CPED1: variants seen among roughly 807,000 people sequenced by gnomAD.
CPED1 encodes cadherin-like and PC-esterase domain-containing protein 1.
Under a neutral mutation model 128.2 loss-of-function variants are expected in CPED1, and 114 were observed. The observed-to-expected ratio is 0.89, with a 90% CI of 0.76 to 1.04. The LOEUF (loss-of-function observed/expected upper bound fraction) is 1.04, where lower values mean the gene tolerates loss of function less well. Ranked by LOEUF, CPED1 falls within the 50% of genes least tolerant of loss-of-function variation. CPED1 has a pLI of 0.00. For missense variants in CPED1, 1,211 were observed against 1,207.1 expected (o/e 1.00, Z -0.05); for synonymous variants, 462 against 426.7 (o/e 1.08, Z -1.02).
At chr7:121,107,603 T>C (rs1382446094) in intron 7 of CPED1, among the ~76,000 whole-genome samples, 5 of 152,088 alleles carry the variant, frequency 3.3e-5, no homozygotes, top group African/African-American at 1.2e-4. Context: ...GGGTGCAAAG[T>C]AATAACAGTG....
At chr7:121,136,581 A>G (rs1048465611) in intron 14 of CPED1, among the ~76,000 whole-genome samples, 6 of 152,170 alleles carry the variant, frequency 3.9e-5, no homozygotes, top group Non-Finnish European at 5.9e-5. Flanking sequence ...TTAAGTTTGT[A>G]TTAACTTTAA....
rs140872715 is a variant in CPED1, at chr7:121,216,362, G to A, written c.2056-20352G>A. ...CAAGCACCCTCATTTTGAAGGATGT[G>A]ACCAGAAGTTCACTTCTACTCACAT... is the stretch of plus-strand genomic sequence containing the variant. On this transcript the variant is annotated intron_variant, in intron 16 of 22. Coordinates refer to ENST00000310396, the MANE Select transcript of CPED1 (RefSeq NM_024913.5). 5.3e-3 allele frequency among the ~76,000 whole-genome samples: 804 copies of A among 152,078 alleles called. 6 individuals carry two copies. The highest frequency in any genetic ancestry group is 0.018 in the African/African-American group (740 of 41,508).
At chr7:120,995,704 T>A (rs528437191) in intron 2 of CPED1, among the ~76,000 whole-genome samples, 3 of 152,170 alleles carry the variant, frequency 2.0e-5, no homozygotes, top group Non-Finnish European at 4.4e-5. Context: ...TTTTCCTAGA[T>A]GCATAGTTTT....
chr7:120,989,851 A>G lies in CPED1; in HGVS notation c.230A>G (p.Asn77Ser). Residue 77 changes from asparagine (N) to serine (S), a missense_variant, in exon 2 of 23, where the codon AAT becomes AGT. By Grantham distance (46) the Asn-to-Ser change is conservative. Coordinates refer to ENST00000310396, the MANE Select transcript of CPED1 (RefSeq NM_024913.5). ...AAACAGTGCTTCCTTCTCTCTGGTA[A>G]TGCCCAGGAAACCAGAAAGGTAAGA... ...QDKQCFLLSG[N>S]AQETRKVKES... 1 of 1,614,158 alleles carries G rather than the reference A, an allele frequency of 6.2e-7. No homozygotes were observed.
chr7:121,230,469 C>A (rs1227877934), intron 16 of CPED1, among the ~76,000 whole-genome samples: 1 of 151,902 alleles, frequency 6.6e-6, no homozygotes, highest in African/African-American at 2.4e-5. Context: ...TTCTTCTTAT[C>A]CAATAAAAAG....
intron 22 of CPED1, among the ~76,000 whole-genome samples, chr7:121,282,320 C>T (rs1045626516): frequency 3.9e-5 from 6 of 152,138 alleles, no homozygotes; most frequent in East Asian, 3.8e-4. Context: ...GGTAACCTAA[C>T]GTGTATTGCA....
intron 16 of CPED1, among the ~76,000 whole-genome samples, chr7:121,178,737 A>G (rs1447012153): frequency 2.0e-5 from 3 of 152,120 alleles, no homozygotes; most frequent in Admixed American, 2.0e-4. Flanking sequence ...ACACAGGGAA[A>G]GCAAGAAGAG....
chr7:121,018,809 A>G (rs1177478764), intron 3 of CPED1, among the ~76,000 whole-genome samples: 1 of 152,068 alleles, frequency 6.6e-6, no homozygotes, highest in Non-Finnish European at 1.5e-5. Flanking sequence ...TTCTGAATAC[A>G]TATTGCACTT....
At chr7:121,160,284 A>G (rs926435787) in intron 16 of CPED1, among the ~76,000 whole-genome samples, 1 of 152,254 alleles carries the variant, frequency 6.6e-6, no homozygotes, top group Non-Finnish European at 1.5e-5. Flanking sequence ...ATCCCTGTGC[A>G]TGAAGGTTGT....
At chr7:121,263,679 T>C (rs1214210044) in intron 18 of CPED1, among the ~76,000 whole-genome samples, 3 of 151,994 alleles carry the variant, frequency 2.0e-5, no homozygotes, top group African/African-American at 7.2e-5. Flanking sequence ...ATCTAGGAAT[T>C]TTGTTGTTGT....
chr7:121,135,087 T>C (rs1243425904), intron 13 of CPED1, among the ~76,000 whole-genome samples: 3 of 152,018 alleles, frequency 2.0e-5, no homozygotes. Context: ...TGATCTATTG[T>C]TAAACCTAAC....
At chr7:121,036,507 A>ATTTTTTTTTTTTTT (rs1302763163) in intron 3 of CPED1, among the ~76,000 whole-genome samples, 1 of 133,922 alleles carries the variant, frequency 7.5e-6, no homozygotes. Flanking sequence ...ATATATATAT[A>ATTTTTTTTTTTTTT]TTTTTTTTTT....
chr7:121,166,126 C>G (rs1359474677), intron 16 of CPED1, among the ~76,000 whole-genome samples: 1 of 116,162 alleles, frequency 8.6e-6, no homozygotes, highest in Non-Finnish European at 1.9e-5. Context: ...ATGGCAAAAA[C>G]AAAAAAAAAC....
chr7:121,269,918 G>A (rs1420421061), intron 21 of CPED1, among the ~76,000 whole-genome samples: 1 of 152,074 alleles, frequency 6.6e-6, no homozygotes, highest in East Asian at 1.9e-4. Flanking sequence ...GCTCTGGTGA[G>A]GCTTCAGGAA....
chr7:121,194,020 CTCTA>C (rs1175453326), intron 16 of CPED1, among the ~76,000 whole-genome samples: 3,234 of 77,498 alleles, frequency 0.042, 78 homozygotes, highest in East Asian at 0.1. Flanking sequence ...CTCTCTCTCT[CTCTA>C]TATATATATA....
rs145929177 is a variant in CPED1 at position 121,221,127 on chromosome 7, C to T, written c.2056-15587C>T. ...GCTATCTGTCCCCAAGTCCCCCACCCGACAGGCCCCTGTGTGTGATGTTCC... is the reference window on the plus strand; with the variant it reads ...GCTATCTGTCCCCAAGTCCCCCACCTGACAGGCCCCTGTGTGTGATGTTCC... On this transcript the variant is annotated intron_variant, in intron 16 of 22. Transcript: ENST00000310396. Among the ~76,000 whole-genome samples the T allele has an allele frequency of 2.4e-3, 367 of 152,060 alleles. 3 individuals are homozygous for T. Among genetic ancestry groups the T allele is most frequent in the African/African-American group, 7.9e-3 (329 of 41,490 alleles).
In CPED1 at chr7:121,142,094, C is replaced by T. The variant is rs1795919341; in HGVS notation, c.2008C>T (p.Pro670Ser). 6.2e-7 allele frequency: 1 copy of T among 1,612,268 alleles called. No homozygotes were observed. Among genetic ancestry groups the T allele is most frequent in the Non-Finnish European group, 8.5e-7 (1 of 1,178,760 alleles). Residue 670 changes from proline (P) to serine (S), a missense_variant, in exon 16 of 23, where the codon CCA becomes TCA. Pro to Ser is a moderately conservative substitution (Grantham distance 74, BLOSUM62 -1). Coordinates refer to ENST00000310396, the MANE Select transcript of CPED1 (RefSeq NM_024913.5). ...ACTCACCATCTATAGAGAAGACCGC[C>T]CAAGTCTGCCCTTGTTTGAGGCCTT... is the stretch of plus-strand genomic sequence containing the variant. ...YKLTIYREDR[P>S]SLPLFEAFTA...
At position 121,178,047 on chromosome 7, in the gene CPED1, G is replaced by C. The variant is rs78868840; in HGVS notation, c.2055+35906G>C. ...GTAGGTGCTAGGAAGTATTCACGAG[G>C]AGGGGCTCTTGAATCCAGATCTTTT... On this transcript the variant is annotated intron_variant, in intron 16 of 22. Transcript: ENST00000310396. Among the ~76,000 whole-genome samples, 5 of 152,062 alleles carry C rather than the reference G, an allele frequency of 3.3e-5. 1 individual carries two copies. Among genetic ancestry groups the C allele is most frequent in the Admixed American group, 3.3e-4 (5 of 15,242 alleles).
At chr7:121,094,412 G>A (rs942827359) in intron 5 of CPED1, among the ~76,000 whole-genome samples, 1 of 152,120 alleles carries the variant, frequency 6.6e-6, no homozygotes, top group African/African-American at 2.4e-5. Context: ...ATATTTGACT[G>A]TGGTGTATAT....
Sources: allele counts gnomAD v4.1 joint callset (sites outside exome capture counted in the v4.1 genomes callset), GRCh38; gene constraint gnomAD v4.1.1; transcripts MANE v1.5; gene names NCBI Gene and HGNC (gene_info 2026-07-23, HGNC 2026-07-21).